The following CTTNBP2NL variants were observed in gnomAD, a reference collection of about 807,000 sequenced individuals.
CTTNBP2NL encodes CTTNBP2 N-terminal-like protein.
Under a neutral mutation model 32.5 loss-of-function variants are expected in CTTNBP2NL, and 16 were observed. That is an observed-to-expected ratio of 0.49 (90% CI 0.33 to 0.75). The LOEUF (loss-of-function observed/expected upper bound fraction) is 0.75. Ranked by LOEUF, CTTNBP2NL falls within the 30% of genes least tolerant of loss-of-function variation. The pLI, the probability that CTTNBP2NL is intolerant of heterozygous loss-of-function variation, is 0.02. For synonymous variants in CTTNBP2NL, 298 were observed against 289.4 expected, an observed-to-expected ratio of 1.03 and a Z score of -0.30; for missense variants, 645 against 756.0, an observed-to-expected ratio of 0.85 and a Z score of 1.72.
At chr1:112,432,299 G>A (rs904318846) in intron 3 of CTTNBP2NL, among the ~76,000 whole-genome samples, 2 of 151,956 alleles carry the variant, frequency 1.3e-5, no homozygotes, top group Non-Finnish European at 2.9e-5. Flanking sequence ...CTGACTTCAT[G>A]ATCCGCCTGC....
chr1:112,448,541 A>C (rs1164518108), intron 3 of CTTNBP2NL, among the ~76,000 whole-genome samples: 2 of 152,240 alleles, frequency 1.3e-5, no homozygotes, highest in Non-Finnish European at 2.9e-5. Flanking sequence ...AAGCAGAGTC[A>C]GTAAGCACAG....
chr1:112,392,290 C>T (rs1648207010), upstream of CTTNBP2NL, among the ~76,000 whole-genome samples: 1 of 152,036 alleles, frequency 6.6e-6, no homozygotes, highest in South Asian at 2.1e-4. Context: ...ATATCTATCT[C>T]GTGGAATTCT....
chr1:112,399,401 G>A (rs1314594125), intron 1 of CTTNBP2NL, among the ~76,000 whole-genome samples: 1 of 151,472 alleles, frequency 6.6e-6, no homozygotes, highest in Non-Finnish European at 1.5e-5. Flanking sequence ...TTTTAAAATG[G>A]ATTTTTAGTT....
chr1:112,411,909 GGAAGA>G (rs1483371750), intron 1 of CTTNBP2NL, among the ~76,000 whole-genome samples: 1 of 152,118 alleles, frequency 6.6e-6, no homozygotes, highest in Non-Finnish European at 1.5e-5. Context: ...TGTCATTTCA[GGAAGA>G]GAAAAGTCAG....
intron 3 of CTTNBP2NL, among the ~76,000 whole-genome samples, chr1:112,427,176 TA>T (rs776402177): frequency 6.6e-5 from 10 of 152,222 alleles, no homozygotes; most frequent in Non-Finnish European, 1.2e-4. Flanking sequence ...CCTTTTATGG[TA>T]AACCATTTAA....
intron 3 of CTTNBP2NL, among the ~76,000 whole-genome samples, chr1:112,426,605 C>CTTT (rs35801433): frequency 8.5e-5 from 11 of 129,582 alleles, no homozygotes; most frequent in Non-Finnish European, 1.0e-4. Flanking sequence ...TACGGCAAAA[C>CTTT]TTTTTTTTTT....
intron 3 of CTTNBP2NL, among the ~76,000 whole-genome samples, chr1:112,427,671 G>A (rs1322143776): frequency 2.0e-5 from 3 of 152,148 alleles, no homozygotes; most frequent in Non-Finnish European, 4.4e-5. Flanking sequence ...CGAGGCAAGT[G>A]GATCACGAGG....
At chr1:112,438,144 A>AT (rs1649790130) in intron 3 of CTTNBP2NL, among the ~76,000 whole-genome samples, 1 of 152,136 alleles carries the variant, frequency 6.6e-6, no homozygotes, top group African/African-American at 2.4e-5. Context: ...GTGTAAGGAC[A>AT]TTTTAATGAT....
At chr1:112,394,154 G>C (rs539275072), upstream of CTTNBP2NL, among the ~76,000 whole-genome samples, 1 of 149,828 alleles carries the variant, frequency 6.7e-6, no homozygotes, top group African/African-American at 2.5e-5. Context: ...TGTAGTGAGA[G>C]ATTGCGCCAT....
upstream of CTTNBP2NL, among the ~76,000 whole-genome samples, chr1:112,393,721 A>T (rs1004970406): frequency 6.6e-6 from 1 of 152,200 alleles, no homozygotes; most frequent in East Asian, 1.9e-4. Context: ...TGAATCCTAC[A>T]AGGCAGGGAT....
intron 3 of CTTNBP2NL, among the ~76,000 whole-genome samples, chr1:112,433,270 G>T (rs1050980291): frequency 6.6e-6 from 1 of 152,136 alleles, no homozygotes; most frequent in Non-Finnish European, 1.5e-5. Flanking sequence ...GTGTGTGTGT[G>T]TATGTGCGTG....
At chr1:112,416,592 C>CGAAT (rs1398557321) in intron 3 of CTTNBP2NL, among the ~76,000 whole-genome samples, 1 of 151,698 alleles carries the variant, frequency 6.6e-6, no homozygotes, top group Admixed American at 6.6e-5. Context: ...CTGCCTCCTG[C>CGAAT]ATTCAAGTTC....
rs374523825 is a variant in CTTNBP2NL at position 112,428,613 on chromosome 1, A to T, written c.99+12349A>T. Among the ~76,000 whole-genome samples the T allele has an allele frequency of 2.6e-4, 39 of 152,292 alleles. 1 individual carries two copies. The East Asian group carries it at 6.6e-3, about 26-fold the overall frequency. On this transcript the variant is annotated intron_variant, in intron 3 of 5. Coordinates refer to ENST00000271277, the MANE Select transcript of CTTNBP2NL (RefSeq NM_018704.3). ...ACCACAGTCTAAAGAGTTGTCTTTTAAACATTTTTGAAATAAATTTCACAT... is the reference window on the plus strand; with the variant it reads ...ACCACAGTCTAAAGAGTTGTCTTTTTAACATTTTTGAAATAAATTTCACAT...
At chr1:112,429,309 T>G (rs1365034249) in intron 3 of CTTNBP2NL, among the ~76,000 whole-genome samples, 2 of 152,238 alleles carry the variant, frequency 1.3e-5, no homozygotes, top group African/African-American at 4.8e-5. Flanking sequence ...TCCTATATTG[T>G]TGTCCTCAAC....
At chr1:112,416,345 T>C in intron 3 of CTTNBP2NL, 81 bp downstream of exon 3, 1 of 742,094 alleles carries the variant, frequency 1.3e-6, no homozygotes, top group South Asian at 1.7e-5. Flanking sequence ...AACTAAGGTA[T>C]TTCTGCAGTT....
In CTTNBP2NL at chr1:112,456,825, C is replaced by T. The variant is rs927828112; in HGVS notation, c.1333C>T (p.Pro445Ser). Reference sequence around the variant, plus strand: ...TTTATTGGGGTCATCAGCTAGCAGCCCTGGCTACCAGTCATCGTACCAAGT... The same window carrying T: ...TTTATTGGGGTCATCAGCTAGCAGCTCTGGCTACCAGTCATCGTACCAAGT... ...KRLLGSSASS[P>S]GYQSSYQVGI... Residue 445 changes from proline to serine, a missense_variant, in exon 6 of 6, where the codon CCT becomes TCT. Coordinates refer to ENST00000271277, the MANE Select transcript of CTTNBP2NL (RefSeq NM_018704.3). 1 of 1,613,952 alleles carries T rather than the reference C, an allele frequency of 6.2e-7. No individual in the cohort carries two copies. The highest frequency in any genetic ancestry group is 1.3e-5 in the African/African-American group (1 of 74,866).
At position 112,460,206 on chromosome 1, in the gene CTTNBP2NL, A is replaced by G. The variant is rs1052328798; in HGVS notation, c.*2794A>G. 2.0e-5 allele frequency: 3 copies of G among 152,238 alleles called. No individual in the cohort carries two copies. The highest frequency in any genetic ancestry group is 7.2e-5 in the African/African-American group (3 of 41,468). 9.4% of individuals were successfully genotyped at this position (152,238 alleles called of 1,614,324 possible). ...GCAGAAGTCTTCATTTTTATAGCAG[A>G]CTGCATTAAAACAAGTTAAATCTTG... is the stretch of plus-strand genomic sequence containing the variant. On this transcript the variant is annotated 3_prime_UTR_variant, in exon 6 of 6. Coordinates refer to ENST00000271277, the MANE Select transcript of CTTNBP2NL (RefSeq NM_018704.3).
chr1:112,426,544 AAAG>A (rs1298224718), intron 3 of CTTNBP2NL, among the ~76,000 whole-genome samples: 2 of 152,094 alleles, frequency 1.3e-5, no homozygotes, highest in African/African-American at 4.8e-5. Flanking sequence ...AGAAAAAAGA[AAAG>A]AAAGTAAAAT....
rs536165989 is a variant in CTTNBP2NL at position 112,446,544 on chromosome 1, T to C, written c.100-2398T>C. Among the ~76,000 whole-genome samples, 54 of 152,260 alleles carry C rather than the reference T, an allele frequency of 3.5e-4. No homozygotes were observed. In the South Asian group the frequency reaches 0.011, roughly 30 times the overall value. ...ACTAGCTTTTTGGTTTTACTTTCAG[T>C]ATGTTTTATTTATTTATGTATTTTT... is the stretch of plus-strand genomic sequence containing the variant. On this transcript the variant is annotated intron_variant, in intron 3 of 5. Coordinates refer to ENST00000271277, the MANE Select transcript of CTTNBP2NL (RefSeq NM_018704.3).
Sources: allele counts gnomAD v4.1 joint callset (sites outside exome capture counted in the v4.1 genomes callset), GRCh38; gene constraint gnomAD v4.1.1; transcripts MANE v1.5; gene names NCBI Gene and HGNC (gene_info 2026-07-23, HGNC 2026-07-21).